IDO2: variants seen among roughly 807,000 people sequenced by gnomAD.
IDO2 encodes indoleamine 2,3-dioxygenase-like 1 protein.
In IDO2, 46 loss-of-function variants were observed where a neutral mutation model predicts 45.1. The ratio of observed to expected loss-of-function variants is 1.02; its 90% CI spans 0.80 to 1.30. The LOEUF (loss-of-function observed/expected upper bound fraction) is 1.30. Among genes scored for constraint, IDO2 ranks in the 50% most tolerant of loss-of-function variants. IDO2 has a pLI of 0.00. For synonymous variants in IDO2, 218 were observed against 184.9 expected, an observed-to-expected ratio of 1.18 and a Z score of -1.45; for missense variants, 544 against 491.8, an observed-to-expected ratio of 1.11 and a Z score of -1.00.
At chr8:39,954,325 T>C (rs911130218) in intron 2 of IDO2, among the ~76,000 whole-genome samples, 1 of 152,226 alleles carries the variant, frequency 6.6e-6, no homozygotes, top group Non-Finnish European at 1.5e-5. Context: ...TAAGGAGGCC[T>C]CTGTGCCTTT....
chr8:39,981,315 C>A (rs1459535154), intron 4 of IDO2, among the ~76,000 whole-genome samples: 1 of 152,206 alleles, frequency 6.6e-6, no homozygotes, highest in East Asian at 1.9e-4. Flanking sequence ...CCGCCTTCGC[C>A]TCCCAAAGTG....
intron 8 of IDO2, chr8:39,998,495 C>T (rs940937262): frequency 6.6e-6 from 1 of 152,236 alleles, no homozygotes; most frequent in African/African-American, 2.4e-5. Flanking sequence ...CCATTCATCT[C>T]CAGTGCAGCT....
intron 1 of IDO2, among the ~76,000 whole-genome samples, chr8:39,940,668 A>G (rs1028687538): frequency 1.6e-4 from 25 of 152,126 alleles, no homozygotes; most frequent in African/African-American, 6.0e-4. Flanking sequence ...GCTATAGAAC[A>G]CTAGAACTTA....
At chr8:39,943,115 C>T (rs956481214) in intron 1 of IDO2, among the ~76,000 whole-genome samples, 2 of 152,082 alleles carry the variant, frequency 1.3e-5, no homozygotes, top group African/African-American at 4.8e-5. Context: ...CGCCTGTAAT[C>T]CCAGCAGTTT....
chr8:39,964,829 T>G (rs932704118), intron 3 of IDO2, among the ~76,000 whole-genome samples: 1 of 152,214 alleles, frequency 6.6e-6, no homozygotes, highest in Admixed American at 6.5e-5. Flanking sequence ...ATTTAAAGGA[T>G]TTTTTTGAAC....
chr8:39,978,650 C>T (rs1405266894), intron 3 of IDO2, among the ~76,000 whole-genome samples: 1 of 152,088 alleles, frequency 6.6e-6, no homozygotes, highest in Non-Finnish European at 1.5e-5. Flanking sequence ...GTTGCAGGGT[C>T]AGCGATAGCA....
At chr8:39,998,638 C>CTTTTTTTTTTTTTTTT (rs35313305) in intron 8 of IDO2, 1 of 116,028 alleles carries the variant, frequency 8.6e-6, no homozygotes, top group Non-Finnish European at 1.7e-5. Context: ...TTTTCTTCTT[C>CTTTTTTTTTTTTTTTT]TTTTTTTTTT....
chr8:39,978,348 G>A (rs1323171182), intron 3 of IDO2, among the ~76,000 whole-genome samples: 1 of 152,236 alleles, frequency 6.6e-6, no homozygotes, highest in African/African-American at 2.4e-5. Flanking sequence ...GGGGCGAGGG[G>A]AAGAGGCGAG....
Position 40,014,013 on chromosome 8 carries a change from G to GT in IDO2, c.868+300_868+301insT, listed in dbSNP as rs1205870321. 2.0e-5 allele frequency among the ~76,000 whole-genome samples: 3 copies of GT among 152,094 alleles called. No individual in the cohort carries two copies. The East Asian group carries it at 5.8e-4, about 29-fold the overall frequency. ...GACACTAGCTTCCTTTTTCTGAAAT[G>GT]GGGGAGAGATGTGGAGTTTGAAGGC... On this transcript the variant is annotated intron_variant, in intron 10 of 10. Transcript: ENST00000502986.
chr8:39,979,726 G>A (rs2543066), intron 4 of IDO2, among the ~76,000 whole-genome samples: 115,844 of 152,244 alleles, frequency 0.76, 44,369 homozygotes, highest in Middle Eastern at 0.88. Flanking sequence ...TTTTAAACTG[G>A]TAGCTATTTC....
chr8:39,999,154 T>C (rs1802097971), intron 8 of IDO2, among the ~76,000 whole-genome samples: 1 of 152,176 alleles, frequency 6.6e-6, no homozygotes, highest in Non-Finnish European at 1.5e-5. Context: ...GTTTCCATGG[T>C]TGCTATTGAG....
chr8:39,979,780 ACT>A (rs1808314393), intron 4 of IDO2, among the ~76,000 whole-genome samples: 1 of 150,872 alleles, frequency 6.6e-6, no homozygotes, highest in Admixed American at 6.6e-5. Flanking sequence ...TGTTTTTGGC[ACT>A]CTCTTCCAAG....
intron 8 of IDO2, chr8:39,995,317 G>T (rs1480132005): frequency 2.8e-5 from 4 of 143,042 alleles, no homozygotes; most frequent in Non-Finnish European, 6.1e-5. Flanking sequence ...GTCTTGCTCT[G>T]TTGCCCAGGC....
chr8:39,981,097 T>C (rs1808343095), intron 4 of IDO2, among the ~76,000 whole-genome samples: 1 of 147,250 alleles, frequency 6.8e-6, no homozygotes, highest in Admixed American at 6.9e-5. Flanking sequence ...AGTCTCACTC[T>C]GTCACCCAGG....
At chr8:39,952,290 G>C (rs536990059) in intron 2 of IDO2, among the ~76,000 whole-genome samples, 75 of 152,318 alleles carry the variant, frequency 4.9e-4, no homozygotes, top group Middle Eastern at 3.4e-3. Flanking sequence ...TTAGTTGAAA[G>C]GCAAGCGTCA....
At chr8:39,957,701 A>G (rs1307033749) in intron 2 of IDO2, among the ~76,000 whole-genome samples, 3 of 152,198 alleles carry the variant, frequency 2.0e-5, no homozygotes, top group Non-Finnish European at 4.4e-5. Flanking sequence ...TGTCTCTAGA[A>G]GGGCATGTAA....
At chr8:39,962,523 G>T (rs536909133) in intron 2 of IDO2, among the ~76,000 whole-genome samples, 1 of 152,272 alleles carries the variant, frequency 6.6e-6, no homozygotes, top group East Asian at 1.9e-4. Flanking sequence ...TTTGATGCAG[G>T]ATTTTCTGCT....
chr8:39,989,616 C>G, intron 7 of IDO2, 105 bp from the exon 8 acceptor site: 1 of 790,146 alleles, frequency 1.3e-6, no homozygotes. Context: ...GAAGCTCTGA[C>G]AAACTGTCCG....
chr8:39,949,028 C>T, intron 1 of IDO2, 121 bp from the exon 2 acceptor site: 1 of 1,299,150 alleles, frequency 7.7e-7, no homozygotes, highest in Middle Eastern at 2.4e-4. Context: ...TGGAATTCAA[C>T]CTCAGGGAAA....
Sources: gnomAD v4.1 joint callset for allele counts (sites outside exome capture counted in the v4.1 genomes callset) on GRCh38, gnomAD v4.1.1 for gene constraint, MANE v1.5 for transcripts, NCBI Gene and HGNC (gene_info 2026-07-23, HGNC 2026-07-21) for gene names.